Variants in CELF4 observed in about 807,000 individuals in gnomAD.
CELF4 encodes the protein CUGBP Elav-like family member 4.
In CELF4, 18 loss-of-function variants were observed where a neutral mutation model predicts 59.9. The observed-to-expected ratio is 0.30, with a 90% CI of 0.21 to 0.45. CELF4 has a LOEUF of 0.45. Among genes scored for constraint, CELF4 ranks in the 20% least tolerant of loss-of-function variants. The pLI is 1.00. For missense variants in CELF4, 456 were observed against 689.0 expected (o/e 0.66, Z 3.79); for synonymous variants, 261 against 267.1 (o/e 0.98, Z 0.22).
At position 37,340,250 on chromosome 18, in the gene CELF4, G is replaced by C. The variant is rs562901110; in HGVS notation, c.370-18369C>G. Among the ~76,000 whole-genome samples, 9 of 152,386 alleles carry C rather than the reference G, an allele frequency of 5.9e-5. No homozygotes were observed. The South Asian group carries it at 1.4e-3, about 25-fold the overall frequency. Reference sequence around the variant, plus strand: ...ACCTCAGAAATGCCACGTTAAGTGAGAGTGAGAAGCTGGTTAGTGGCTCTC... The same window carrying C: ...ACCTCAGAAATGCCACGTTAAGTGACAGTGAGAAGCTGGTTAGTGGCTCTC... On this transcript the variant is annotated intron_variant, in intron 2 of 12. Transcript: ENST00000420428.
chr18:37,266,503 A>G, intron 9 of CELF4, 30 bp downstream of exon 9: 1 of 1,571,106 alleles, frequency 6.4e-7, no homozygotes. Flanking sequence ...GGAGTTGGGG[A>G]AGGAGCCGTG....
chr18:37,389,494 C>A (rs568605422), intron 2 of CELF4, among the ~76,000 whole-genome samples: 2 of 152,274 alleles, frequency 1.3e-5, no homozygotes, highest in African/African-American at 2.4e-5. Flanking sequence ...CTTCAGGAAG[C>A]AAATAGCTTG....
At chr18:37,503,435 C>T (rs552421290) in intron 1 of CELF4, among the ~76,000 whole-genome samples, 2 of 152,216 alleles carry the variant, frequency 1.3e-5, no homozygotes, top group Non-Finnish European at 2.9e-5. Context: ...TGTCGAGTCA[C>T]GAGTGCTGTC....
At chr18:37,327,869 G>A (rs2097375664) in intron 2 of CELF4, among the ~76,000 whole-genome samples, 1 of 152,170 alleles carries the variant, frequency 6.6e-6, no homozygotes, top group Non-Finnish European at 1.5e-5. Flanking sequence ...TCCCCACCTG[G>A]AAAGCTTCCC....
At chr18:37,314,836 G>T (rs1056428234) in intron 3 of CELF4, among the ~76,000 whole-genome samples, 5 of 152,220 alleles carry the variant, frequency 3.3e-5, no homozygotes, top group East Asian at 3.9e-4. Context: ...TTGCTGATCT[G>T]CCCTGGGCCT....
rs539196258 is a variant in CELF4 at position 37,523,199 on chromosome 18, C to G, written c.287-37592G>C. Among the ~76,000 whole-genome samples the G allele has an allele frequency of 5.3e-5, 8 of 152,248 alleles. No homozygotes were observed. The South Asian group carries it at 1.7e-3, about 32-fold the overall frequency. On this transcript the variant is annotated intron_variant, in intron 1 of 12. Coordinates refer to ENST00000420428, the MANE Select transcript of CELF4 (RefSeq NM_020180.4). The stretch of plus-strand genomic sequence containing the variant: ...TAGTCTATATCTGATGAGGAACAGA[C>G]AGCGGGACCACATGGATCCAGAAGT...
intron 2 of CELF4, among the ~76,000 whole-genome samples, chr18:37,378,060 G>A (rs1436376706): frequency 6.6e-6 from 1 of 152,134 alleles, no homozygotes; most frequent in Non-Finnish European, 1.5e-5. Context: ...CTGGGTAGGG[G>A]AAGATAGTCA....
In CELF4 at chr18:37,275,146, G is replaced by A. The variant is rs1410380901; in HGVS notation, c.546C>T (p.Thr182=). ...FEAFGNIEEC[T]ILRGPDGNSK... is the part of the protein sequence containing the mutation. Reference sequence around the variant, plus strand: ...TGTTGCCGTCGGGCCCGCGCAGGATGGTGCACTCCTCGATGTTCCCAAAGG... The same window carrying A: ...TGTTGCCGTCGGGCCCGCGCAGGATAGTGCACTCCTCGATGTTCCCAAAGG... Residue 182 remains threonine (T), a synonymous_variant, in exon 4 of 13, where the codon ACC becomes ACT. Coordinates refer to ENST00000420428, the MANE Select transcript of CELF4 (RefSeq NM_020180.4). The A allele has an allele frequency of 1.9e-6, 3 of 1,613,474 alleles. No individual in the cohort carries two copies. The highest frequency in any genetic ancestry group is 2.2e-5 in the East Asian group (1 of 44,852).
intron 2 of CELF4, among the ~76,000 whole-genome samples, chr18:37,437,901 C>T (rs2099698369): frequency 6.6e-6 from 1 of 152,104 alleles, no homozygotes; most frequent in Admixed American, 6.5e-5. Flanking sequence ...GAGGTGGGGC[C>T]TTTGGGAGAT....
At chr18:37,423,544 C>T (rs2099593507) in intron 2 of CELF4, among the ~76,000 whole-genome samples, 1 of 152,128 alleles carries the variant, frequency 6.6e-6, no homozygotes, top group Admixed American at 6.5e-5. Flanking sequence ...TGTCCTCTCA[C>T]TCCTCCCAGG....
chr18:37,516,942 C>T (rs1262897751), intron 1 of CELF4, among the ~76,000 whole-genome samples: 1 of 152,220 alleles, frequency 6.6e-6, no homozygotes, highest in Non-Finnish European at 1.5e-5. Context: ...AATAACATGG[C>T]CTGTGTTCTC....
chr18:37,397,078 T>C (rs931470598), intron 2 of CELF4, among the ~76,000 whole-genome samples: 1 of 152,052 alleles, frequency 6.6e-6, no homozygotes, highest in Non-Finnish European at 1.5e-5. Context: ...GGATGGCGGC[T>C]CAGCCCATGT....
At chr18:37,401,414 G>GC (rs1474552741) in intron 2 of CELF4, among the ~76,000 whole-genome samples, 1 of 152,210 alleles carries the variant, frequency 6.6e-6, no homozygotes, top group African/African-American at 2.4e-5. Context: ...AGTGAGCTCT[G>GC]CATTTGTGGG....
intron 1 of CELF4, among the ~76,000 whole-genome samples, chr18:37,532,223 C>T (rs1395076641): frequency 6.6e-6 from 1 of 152,246 alleles, no homozygotes; most frequent in Non-Finnish European, 1.5e-5. Flanking sequence ...GATCGAAGGA[C>T]ACCCCGTGCA....
intron 1 of CELF4, among the ~76,000 whole-genome samples, chr18:37,548,033 A>G (rs1006860759): frequency 2.0e-5 from 3 of 151,278 alleles, no homozygotes; most frequent in Non-Finnish European, 2.9e-5. Flanking sequence ...GTGTGTTCCT[A>G]TGGGTGTCTG....
In CELF4 at chr18:37,313,635, A is replaced by T. The variant is rs1418856609; in HGVS notation, c.448+8168T>A. Among the ~76,000 whole-genome samples the T allele has an allele frequency of 4.6e-5, 7 of 152,180 alleles. No individual in the cohort carries two copies. The East Asian group carries it at 1.3e-3, about 29-fold the overall frequency. Reference sequence around the variant, plus strand: ...CAGCCACTGGACGCTGCCCCCACCCAGGCCCGCACTCCACAGCTGGTGGGG... The same window carrying T: ...CAGCCACTGGACGCTGCCCCCACCCTGGCCCGCACTCCACAGCTGGTGGGG... On this transcript the variant is annotated intron_variant, in intron 3 of 12. Coordinates refer to ENST00000420428, the MANE Select transcript of CELF4 (RefSeq NM_020180.4).
chr18:37,273,883 G>T (rs1283585161), intron 6 of CELF4: 1 of 1,014,608 alleles, frequency 9.9e-7, no homozygotes, highest in Non-Finnish European at 1.2e-6. Flanking sequence ...AGGGCTTTAG[G>T]GCACCTCACA....
intron 1 of CELF4, among the ~76,000 whole-genome samples, chr18:37,531,161 C>T (rs1477945678): frequency 6.6e-6 from 1 of 152,070 alleles, no homozygotes; most frequent in Non-Finnish European, 1.5e-5. Flanking sequence ...CCAGAGCAGC[C>T]CTCTGAGGCC....
At chr18:37,561,536 C>T (rs981923866) in intron 1 of CELF4, among the ~76,000 whole-genome samples, 10 of 152,316 alleles carry the variant, frequency 6.6e-5, no homozygotes, top group Non-Finnish European at 1.3e-4. Context: ...TTTGCTGCCT[C>T]CCATCCAGCT....
Sources: allele counts gnomAD v4.1 joint callset (sites outside exome capture counted in the v4.1 genomes callset), GRCh38; gene constraint gnomAD v4.1.1; transcripts MANE v1.5; gene names NCBI Gene and HGNC (gene_info 2026-07-23, HGNC 2026-07-21).